Variants in PARN observed in about 807,000 individuals in gnomAD.
PARN encodes poly(A)-specific ribonuclease.
In PARN, 71 loss-of-function variants were observed where a neutral mutation model predicts 102.8. That is an observed-to-expected ratio of 0.69 (90% confidence interval 0.57 to 0.84). The LOEUF is 0.84. PARN is among the 40% of genes least tolerant of loss of function. The pLI is 0.00. For missense variants in PARN, 782 were observed against 760.9 expected (o/e 1.03, Z -0.33); for synonymous variants, 261 against 252.9 (o/e 1.03, Z -0.30).
At chr16:14,509,892 G>A (rs1029497858) in intron 21 of PARN, among the ~76,000 whole-genome samples, 1 of 152,050 alleles carries the variant, frequency 6.6e-6, no homozygotes, top group Admixed American at 6.6e-5. Flanking sequence ...CTCAGAAATG[G>A]GTTTCGCAAC....
chr16:14,559,215 T>G (rs1967896148), intron 18 of PARN, among the ~76,000 whole-genome samples: 1 of 151,858 alleles, frequency 6.6e-6, no homozygotes. Flanking sequence ...CTCTTACCAT[T>G]TAGATGTTGT....
chr16:14,438,222 A>G (rs1409007659), intron 23 of PARN, among the ~76,000 whole-genome samples: 6 of 152,230 alleles, frequency 3.9e-5, no homozygotes, highest in African/African-American at 1.2e-4. Context: ...ACCTAACTGT[A>G]TGAAAAGAAA....
chr16:14,456,582 C>A (rs1351711307), intron 22 of PARN, among the ~76,000 whole-genome samples: 4 of 152,144 alleles, frequency 2.6e-5, no homozygotes, highest in African/African-American at 9.7e-5. Context: ...CTGTTTGCAA[C>A]ATTCTCATAT....
intron 1 of PARN, 78 bp downstream of exon 1, chr16:14,630,029 C>T (rs1295476581): frequency 3.0e-6 from 4 of 1,335,694 alleles, no homozygotes; most frequent in Non-Finnish European, 4.2e-6. Flanking sequence ...CAGCCAAACA[C>T]GCCGGCCATG....
At chr16:14,518,437 TA>T (rs199829885) in intron 21 of PARN, among the ~76,000 whole-genome samples, 22 of 148,740 alleles carry the variant, frequency 1.5e-4, no homozygotes, top group East Asian at 7.9e-4. Context: ...TGTTAAAATT[TA>T]AAAAAAAAAA....
intron 18 of PARN, among the ~76,000 whole-genome samples, chr16:14,569,190 C>T (rs1047908105): frequency 8.6e-5 from 13 of 150,318 alleles, no homozygotes; most frequent in Admixed American, 6.6e-4. Context: ...CCAGCCTGGG[C>T]GATGGAGGAG....
chr16:14,473,002 T>C (rs1376997570), intron 22 of PARN, among the ~76,000 whole-genome samples: 1 of 152,168 alleles, frequency 6.6e-6, no homozygotes, highest in African/African-American at 2.4e-5. Flanking sequence ...CAAAAAGTAG[T>C]AAATATTATA....
chr16:14,456,892 TC>T (rs1961706959), intron 22 of PARN, among the ~76,000 whole-genome samples: 1 of 152,192 alleles, frequency 6.6e-6, no homozygotes, highest in South Asian at 2.1e-4. Flanking sequence ...TTTATTTTCC[TC>T]CTCCTACTCG....
intron 21 of PARN, among the ~76,000 whole-genome samples, chr16:14,547,602 CA>C (rs1216568596): frequency 6.6e-6 from 1 of 152,052 alleles, no homozygotes; most frequent in African/African-American, 2.4e-5. Flanking sequence ...CCTGGCTACT[CA>C]AGAGGCTGAG....
intron 22 of PARN, among the ~76,000 whole-genome samples, chr16:14,456,610 C>T (rs1319656933): frequency 6.6e-6 from 1 of 152,128 alleles, no homozygotes; most frequent in Non-Finnish European, 1.5e-5. Flanking sequence ...CTGTATATGA[C>T]CCTTTTAAGC....
rs876661305 is a variant in PARN, at chr16:14,610,669, G to A, written c.529C>T (p.Gln177Ter). ...SKCPVTIPED[Q>*]KKFIDQVVEK... ...ACCACTTGGTCAATAAACTTCTTTT[G>A]ATCCTCAGGAATCGTGACAGGACAT... The change falls in exon 7 of 24, where the codon CAA becomes TAA. Residue 177 changes from glutamine (Q) to a stop codon, truncating the protein, a stop_gained. Transcript: ENST00000437198. LOFTEE classifies it high-confidence loss of function. The A allele has an allele frequency of 6.2e-7, 1 of 1,610,056 alleles. No individual in the cohort carries two copies. The highest frequency in any genetic ancestry group is 8.5e-7 in the Non-Finnish European group (1 of 1,176,498).
intron 18 of PARN, among the ~76,000 whole-genome samples, chr16:14,579,895 G>A (rs1211005399): frequency 6.6e-6 from 1 of 151,676 alleles, no homozygotes; most frequent in East Asian, 1.9e-4. Flanking sequence ...AGGACTGCTT[G>A]AACCCAGGAG....
chr16:14,536,669 T>C (rs1015905193), intron 21 of PARN, among the ~76,000 whole-genome samples: 1 of 152,118 alleles, frequency 6.6e-6, no homozygotes, highest in African/African-American at 2.4e-5. Flanking sequence ...AAGAGAGGGG[T>C]ATTAAACAAC....
At chr16:14,606,419 A>AG (rs1433863429) in intron 10 of PARN, 65 bp downstream of exon 10, 26 of 878,734 alleles carry the variant, frequency 3.0e-5, no homozygotes, top group Non-Finnish European at 3.3e-5. Flanking sequence ...GAAAAAAAAA[A>AG]GAAACCCCTA....
rs114769994 is a variant in PARN, at chr16:14,530,375, C to G, written c.1480+21646G>C. On this transcript the variant is annotated intron_variant, in intron 21 of 23. Coordinates refer to ENST00000437198, the MANE Select transcript of PARN (RefSeq NM_002582.4). Reference sequence around the variant, plus strand: ...ACACCCGCCACAGTGCTTTGCACACCTGGAAAAGAGTAATTCTTCTTTAAA... The same window carrying G: ...ACACCCGCCACAGTGCTTTGCACACGTGGAAAAGAGTAATTCTTCTTTAAA... 3.2e-3 allele frequency among the ~76,000 whole-genome samples: 484 copies of G among 152,214 alleles called. 4 individuals are homozygous for G. Among genetic ancestry groups the G allele is most frequent in the African/African-American group, 0.011 (465 of 41,510 alleles).
chr16:14,574,383 A>C (rs183958824), intron 18 of PARN, among the ~76,000 whole-genome samples: 2 of 152,312 alleles, frequency 1.3e-5, no homozygotes, highest in Admixed American at 1.3e-4. Context: ...AGTAGAGCAC[A>C]AAAGTTTGGA....
At chr16:14,520,653 C>G (rs1405340426) in intron 21 of PARN, among the ~76,000 whole-genome samples, 2 of 151,332 alleles carry the variant, frequency 1.3e-5, no homozygotes, top group African/African-American at 4.9e-5. Flanking sequence ...GAGTGGAGAT[C>G]GCACCACTGC....
chr16:14,623,386 T>C (rs1972440856), intron 5 of PARN, among the ~76,000 whole-genome samples: 1 of 151,860 alleles, frequency 6.6e-6, no homozygotes, highest in Non-Finnish European at 1.5e-5. Context: ...TGTTAGCACA[T>C]GTTTGTAGTC....
At chr16:14,584,632 A>C (rs1567414810) in intron 15 of PARN, 117 bp downstream of exon 15, 2 of 797,386 alleles carry the variant, frequency 2.5e-6, no homozygotes, top group East Asian at 2.5e-5. Flanking sequence ...AAATGAATAA[A>C]GATCTTTACA....
Sources: allele counts gnomAD v4.1 joint callset (sites outside exome capture counted in the v4.1 genomes callset), GRCh38; gene constraint gnomAD v4.1.1; transcripts MANE v1.5; gene names NCBI Gene and HGNC (gene_info 2026-07-23, HGNC 2026-07-21).